Variants in APC observed in about 807,000 individuals in gnomAD.
The protein encoded by APC is adenomatous polyposis coli protein.
Under a neutral mutation model 247.0 loss-of-function variants are expected in APC, and 72 were observed. The observed-to-expected ratio is 0.29, with a 90% CI of 0.24 to 0.35. The LOEUF is 0.35. Ranked by LOEUF, APC falls within the 10% of genes least tolerant of loss-of-function variation. APC has a pLI of 1.00. For missense variants in APC, 3,400 were observed against 3,360.7 expected, an observed-to-expected ratio of 1.01 and a Z score of -0.29; for synonymous variants, 1,254 against 1,162.5, an observed-to-expected ratio of 1.08 and a Z score of -1.60.
chr5:112,733,821 A>G (rs1017087994), upstream of APC, among the ~76,000 whole-genome samples: 1 of 152,224 alleles, frequency 6.6e-6, no homozygotes, highest in African/African-American at 2.4e-5. Flanking sequence ...ACTAAACTCC[A>G]AACTGTCTCT....
At chr5:112,732,709 A>G (rs1752160604) in intron 1 of APC, among the ~76,000 whole-genome samples, 1 of 152,180 alleles carries the variant, frequency 6.6e-6, no homozygotes, top group Admixed American at 6.5e-5. Flanking sequence ...ATAGTCAGGA[A>G]TGGGATAAGA....
chr5:112,768,888 A>G (rs1278007483), intron 4 of APC, among the ~76,000 whole-genome samples: 3 of 151,930 alleles, frequency 2.0e-5, no homozygotes, highest in African/African-American at 4.8e-5. Flanking sequence ...ACACAGTCCT[A>G]TACAGTAGTG....
intron 1 of APC, among the ~76,000 whole-genome samples, chr5:112,741,399 A>G (rs1445955062): frequency 6.6e-6 from 1 of 152,178 alleles, no homozygotes; most frequent in African/African-American, 2.4e-5. Context: ...TTGAATGTAC[A>G]ATGAGAACAT....
rs775207418 is a variant in APC, at chr5:112,841,890, T to C, written c.6296T>C (p.Phe2099Ser). 2.5e-6 allele frequency: 4 copies of C among 1,613,970 alleles called. No homozygotes were observed. Among genetic ancestry groups the C allele is most frequent in the Non-Finnish European group, 3.4e-6 (4 of 1,179,940 alleles). ...GGTCTATCCCCTGATTCAGAAAATT[T>C]TGATTGGAAAGCTATTCAGGAAGGT... ...EHGLSPDSEN[F>S]DWKAIQEGAN... is the part of the protein sequence containing the mutation. Residue 2099 changes from phenylalanine (F) to serine (S), a missense_variant, in exon 16 of 16, where the codon TTT becomes TCT. Around this residue, in one of 9 missense-constraint regions of APC, gnomAD observed 1,788 missense variants for 1,649.5 expected, o/e 1.08. Transcript: ENST00000257430. The surrounding 1 kb of genome is among the most constrained non-coding windows in gnomAD (Gnocchi z 4.6).
chr5:112,819,952 G>A (rs1435708055), intron 10 of APC, among the ~76,000 whole-genome samples: 2 of 151,978 alleles, frequency 1.3e-5, no homozygotes, highest in African/African-American at 4.8e-5. Flanking sequence ...CTCTCAGCTC[G>A]GTGCTCTTCC....
chr5:112,820,298 A>G (rs1276227527), intron 10 of APC, among the ~76,000 whole-genome samples: 1 of 152,074 alleles, frequency 6.6e-6, no homozygotes, highest in Non-Finnish European at 1.5e-5. Flanking sequence ...ATGAACCTAT[A>G]GCAGATTTTT....
At chr5:112,717,710 G>A (rs947661620) in intron 1 of APC, among the ~76,000 whole-genome samples, 1 of 151,950 alleles carries the variant, frequency 6.6e-6, no homozygotes, top group Non-Finnish European at 1.5e-5. Context: ...GTTTTACTAA[G>A]CTGTGATTAG....
intron 8 of APC, among the ~76,000 whole-genome samples, chr5:112,801,690 A>G (rs962700947): frequency 1.1e-4 from 16 of 152,012 alleles, no homozygotes; most frequent in Non-Finnish European, 2.1e-4. Flanking sequence ...GATTTGACCT[A>G]GTTATTTTTG....
chr5:112,748,765 A>G (rs1160651013), intron 1 of APC, among the ~76,000 whole-genome samples: 1 of 152,130 alleles, frequency 6.6e-6, no homozygotes, highest in Non-Finnish European at 1.5e-5. Flanking sequence ...GTGAGCCCAG[A>G]TCATGCCACT....
At chr5:112,738,577 A>T (rs1460073704) in intron 1 of APC, 1 of 817,896 alleles carries the variant, frequency 1.2e-6, no homozygotes, top group East Asian at 1.2e-4. Context: ...AACAGATACC[A>T]GTGTCTTTGT....
At chr5:112,777,793 TG>T in intron 5 of APC, 1 of 257,066 alleles carries the variant, frequency 3.9e-6, no homozygotes. Flanking sequence ...AGTTCTCCAC[TG>T]CTGTCTGTGG....
intron 1 of APC, among the ~76,000 whole-genome samples, chr5:112,744,723 G>A (rs1171850922): frequency 6.6e-6 from 1 of 152,150 alleles, no homozygotes; most frequent in Non-Finnish European, 1.5e-5. Context: ...AGTTTGTAGA[G>A]GAAAGTGAGG....
At position 112,838,079 on chromosome 5, in the gene APC, A is replaced by G. The variant is rs768810807; in HGVS notation, c.2485A>G (p.Thr829Ala). 8 of 1,614,110 alleles carry G rather than the reference A, an allele frequency of 5.0e-6. No individual in the cohort carries two copies. Among genetic ancestry groups the G allele is most frequent in the African/African-American group, 4.0e-5 (3 of 74,952 alleles). The change falls in exon 16 of 16, where the codon ACA becomes GCA. Residue 829 changes from threonine to alanine, a missense_variant. Thr to Ala is a moderately conservative substitution (Grantham distance 58, BLOSUM62 0). Around this residue, in one of 9 missense-constraint regions of APC, gnomAD observed 715 missense variants for 656.6 expected, o/e 1.09. Transcript: ENST00000257430. ...MTVLSPYLNT[T>A]VLPSSSSSRG... is the part of the protein sequence containing the mutation. ...TGTCCTTTCACCATATTTGAATACT[A>G]CAGTGTTACCCAGCTCCTCTTCATC...
chr5:112,838,338 T>C lies in APC; in HGVS notation c.2744T>C (p.Val915Ala), dbSNP rs773849124. The C allele has an allele frequency of 2.5e-6, 4 of 1,614,088 alleles. No individual in the cohort carries two copies. In the African/African-American group the frequency reaches 5.3e-5, roughly 22 times the overall value. ...SSGSTTELHC[V>A]TDERNALRRS... ...GGGTCTACCACTGAATTACATTGTG[T>C]GACAGATGAGAGAAATGCACTTAGA... The change falls in exon 16 of 16, where the codon GTG (valine) becomes GCG (alanine). Residue 915 changes from valine to alanine, a missense_variant. Coordinates refer to ENST00000257430, the MANE Select transcript of APC (RefSeq NM_000038.6).
intron 1 of APC, among the ~76,000 whole-genome samples, chr5:112,719,578 C>T (rs905442615): frequency 1.4e-5 from 2 of 142,586 alleles, no homozygotes; most frequent in Non-Finnish European, 3.0e-5. Context: ...CTTACTGTGT[C>T]GCCCAGGCTG....
chr5:112,804,415 G>A (rs139946761), intron 8 of APC, among the ~76,000 whole-genome samples: 35 of 151,956 alleles, frequency 2.3e-4, no homozygotes, highest in East Asian at 1.5e-3. Context: ...ACAGAGTCTC[G>A]CTCTGTCAGC....
chr5:112,783,881 A>T (rs778402276), intron 6 of APC: 4 of 300,778 alleles, frequency 1.3e-5, no homozygotes, highest in Non-Finnish European at 2.6e-5. Context: ...ATTAAGTTCA[A>T]GTGTCTAATA....
chr5:112,795,393 T>G (rs976150027), intron 7 of APC, among the ~76,000 whole-genome samples: 5 of 152,220 alleles, frequency 3.3e-5, no homozygotes, highest in Admixed American at 6.5e-5. Context: ...ATAATTTTTA[T>G]TGAAATTTTA....
chr5:112,724,856 A>G (rs894627802), intron 1 of APC, among the ~76,000 whole-genome samples: 3 of 152,234 alleles, frequency 2.0e-5, no homozygotes, highest in Non-Finnish European at 4.4e-5. Flanking sequence ...AGCCAAGGCC[A>G]TAAAGGACCT....
Sources: gnomAD v4.1 joint callset for allele counts (sites outside exome capture counted in the v4.1 genomes callset) on GRCh38, gnomAD v4.1.1 for gene constraint, gnomAD v4.1.1 regional missense constraint, Gnocchi (gnomAD v3.1) non-coding constraint, MANE v1.5 for transcripts, NCBI Gene and HGNC (gene_info 2026-07-23, HGNC 2026-07-21) for gene names.